The following EIF3A variants were observed in gnomAD, a reference collection of about 807,000 sequenced individuals.
EIF3A encodes the protein eukaryotic translation initiation factor 3 subunit A.
EIF3A carries 21 observed loss-of-function variants against 186.6 expected under a neutral mutation model. The observed-to-expected ratio is 0.11, with a 90% CI of 0.08 to 0.16. The LOEUF (loss-of-function observed/expected upper bound fraction) is 0.16, where lower values mean the gene tolerates loss of function less well. Among genes scored for constraint, EIF3A ranks in the 10% least tolerant of loss-of-function variants. EIF3A has a pLI of 1.00. For missense variants in EIF3A, 1,306 were observed against 1,796.3 expected (o/e 0.73, Z 4.93); for synonymous variants, 563 against 584.3 (o/e 0.96, Z 0.52).
In EIF3A at chr10:119,080,766, CCACGCGCCTCGCCAGCA is replaced by C; in HGVS notation, c.-107_-91del. 1.3e-6 allele frequency: 2 copies of C among 1,496,860 alleles called. No individual in the cohort carries two copies. The highest frequency in any genetic ancestry group is 2.5e-5 in the South Asian group (2 of 79,096). 92.7% of individuals were successfully genotyped at this position (1,496,860 alleles called of 1,614,324 possible). On this transcript the variant is annotated 5_prime_UTR_variant, in exon 1 of 22. Transcript: ENST00000369144. ...GACGAAGGGGAACCAGCGTAAGGTC[CCACGCGCCTCGCCAGCA>C]GTCGCCCGCGCCCAGCCGGCCAGAG...
intron 15 of EIF3A, 106 bp downstream of exon 15, chr10:119,051,093 A>T: frequency 2.1e-6 from 2 of 940,962 alleles, no homozygotes; most frequent in Non-Finnish European, 3.1e-6. Context: ...AATGACCGTT[A>T]CACATAGTAA....
intron 20 of EIF3A, 177 bp downstream of exon 20, chr10:119,038,061 C>T (rs1434757100): frequency 1.0e-5 from 6 of 582,290 alleles, no homozygotes; most frequent in South Asian, 1.9e-5. Flanking sequence ...GGATTACAGG[C>T]ATGCGCCACC....
chr10:119,080,702 G>C lies in EIF3A; in HGVS notation c.-26C>G. On this transcript the variant is annotated 5_prime_UTR_variant, in exon 1 of 22. Coordinates refer to ENST00000369144, the MANE Select transcript of EIF3A (RefSeq NM_003750.4). The stretch of plus-strand genomic sequence containing the variant: ...CTTGGCGGCAGGCTCAGCTCACCCG[G>C]CGTCAGCGAACTCTCTAGTGGCCCG... 1.3e-6 allele frequency: 2 copies of C among 1,581,818 alleles called. No homozygotes were observed. Among genetic ancestry groups the C allele is most frequent in the Non-Finnish European group, 1.7e-6 (2 of 1,165,316 alleles).
At chr10:119,036,971 CTG>C (rs1196177033) in intron 21 of EIF3A, 146 bp downstream of exon 21, 2 of 660,230 alleles carry the variant, frequency 3.0e-6, no homozygotes, top group Admixed American at 2.4e-5. Flanking sequence ...CATTGAGTAA[CTG>C]TATGAAAATC....
intron 17 of EIF3A, among the ~76,000 whole-genome samples, chr10:119,048,393 G>A (rs1261233617): frequency 6.6e-6 from 1 of 152,168 alleles, no homozygotes; most frequent in African/African-American, 2.4e-5. Context: ...GCAGATACCA[G>A]TAACACCAAT....
chr10:119,080,331 T>A (rs1844243683), intron 1 of EIF3A: 1 of 985,278 alleles, frequency 1.0e-6, no homozygotes, highest in Non-Finnish European at 1.2e-6. Context: ...AGGAGGGAGC[T>A]CCAGTCCGGG....
Position 119,042,121 on chromosome 10 carries a change from T to G in EIF3A, c.3399A>C (p.Ala1133=), listed in dbSNP as rs372980354. Residue 1133 remains alanine (A), a synonymous_variant, in exon 19 of 22, where the codon GCA becomes GCC. Transcript: ENST00000369144. The surrounding 1 kb of genome is among the most constrained non-coding windows in gnomAD (Gnocchi z 7.8). ...ADDDRIPRRG[A]EDDRGPWRNM... ...TTCTCCAAGGGCCCCTGTCATCCTCTGCACCACGCCTGGGAATTCTGTCAT... is the reference window on the plus strand; with the variant it reads ...TTCTCCAAGGGCCCCTGTCATCCTCGGCACCACGCCTGGGAATTCTGTCAT... The G allele has an allele frequency of 1.9e-6, 3 of 1,614,034 alleles. No individual in the cohort carries two copies. Among genetic ancestry groups the G allele is most frequent in the Admixed American group, 1.7e-5 (1 of 59,988 alleles).
At chr10:119,038,553 G>A (rs1263228392) in intron 19 of EIF3A, 114 bp from the exon 20 acceptor site, 3 of 836,000 alleles carry the variant, frequency 3.6e-6, no homozygotes, top group East Asian at 4.9e-5. Flanking sequence ...GCTAATTTAA[G>A]ACACTGATTA....
intron 14 of EIF3A, among the ~76,000 whole-genome samples, chr10:119,054,016 G>A (rs1017890182): frequency 5.3e-5 from 8 of 152,100 alleles, no homozygotes; most frequent in Non-Finnish European, 7.4e-5. Flanking sequence ...TGCCTCCCAG[G>A]TTCATGCAAT....
rs183376082 is a variant in EIF3A, at chr10:119,042,876, G to A, written c.2748-104C>T. The A allele has an allele frequency of 5.9e-4, 712 of 1,206,658 alleles. 2 individuals carry two copies. The African/African-American group carries it at 9.1e-3, about 15-fold the overall frequency. 74.7% of individuals were successfully genotyped at this position (1,206,658 alleles called of 1,614,324 possible). On this transcript the variant is annotated intron_variant, in intron 18 of 21. Coordinates refer to ENST00000369144, the MANE Select transcript of EIF3A (RefSeq NM_003750.4). The surrounding 1 kb of genome is among the most constrained non-coding windows in gnomAD (Gnocchi z 7.8). ...CTTTTTAAAAACTTCAGTATGGGCC[G>A]GAGCAGTGGCTCGCACCTTTAATCC...
intron 4 of EIF3A, 47 bp from the exon 5 acceptor site, chr10:119,071,132 T>A (rs1385606135): frequency 7.5e-7 from 1 of 1,329,450 alleles, no homozygotes; most frequent in Non-Finnish European, 1.1e-6. Flanking sequence ...CACTATCTAC[T>A]TAAATATTTG....
At position 119,036,096 on chromosome 10, in the gene EIF3A, A is replaced by G. The variant is rs1472897452; in HGVS notation, c.4092T>C (p.Ser1364=). 7 of 1,613,928 alleles carry G rather than the reference A, an allele frequency of 4.3e-6. No individual in the cohort carries two copies. The African/African-American group carries it at 6.7e-5, about 15-fold the overall frequency. ...ASWRAEKDRE[S]LRRTKNETDE... ...CAGTCTCATTTTTAGTACGACGGAG[A>G]GATTCCCTATCTTTCTCAGCTCTCC... is the stretch of plus-strand genomic sequence containing the variant. The change falls in exon 22 of 22, where the codon TCT becomes TCC. Residue 1364 remains serine, a synonymous_variant. Transcript: ENST00000369144.
chr10:119,049,009 C>T (rs561834900), intron 17 of EIF3A, among the ~76,000 whole-genome samples: 2 of 152,328 alleles, frequency 1.3e-5, no homozygotes, highest in South Asian at 4.1e-4. Flanking sequence ...AGTCTCTCTT[C>T]TGTAGCAAAC....
Position 119,038,573 on chromosome 10 carries a change from T to G in EIF3A, c.3527-134A>C. 3 of 719,020 alleles carry G rather than the reference T, an allele frequency of 4.2e-6. No homozygotes were observed. In the South Asian group the frequency reaches 5.5e-5, roughly 13 times the overall value. The allele number at this position is 719,020 out of a possible 1,614,324, so 44.5% of individuals were successfully genotyped here. A position where few individuals can be genotyped will look rare whatever the true frequency, so the allele number is the denominator to read the frequency against. On this transcript the variant is annotated intron_variant, in intron 19 of 21. Coordinates refer to ENST00000369144, the MANE Select transcript of EIF3A (RefSeq NM_003750.4). The stretch of plus-strand genomic sequence containing the variant: ...TTTAAGACACTGATTAAAAAAATAC[T>G]AAAGCTGTGTACATCACTGCACAGA...
In EIF3A at chr10:119,037,239, C is replaced by A. The variant is rs371292579; in HGVS notation, c.3799G>T (p.Asp1267Tyr). The A allele has an allele frequency of 1.9e-6, 3 of 1,614,094 alleles. No individual in the cohort carries two copies. The highest frequency in any genetic ancestry group is 1.3e-5 in the African/African-American group (1 of 75,016). The change falls in exon 21 of 22, where the codon GAT becomes TAT. Residue 1267 changes from aspartate (D) to tyrosine (Y), a missense_variant. Coordinates refer to ENST00000369144, the MANE Select transcript of EIF3A (RefSeq NM_003750.4). The part of the protein sequence containing the change: ...SSWRDSSRRD[D>Y]RDRDDRRRER... ...CGGCGACGGTCATCCCTATCCCTAT[C>A]GTCCCGGCGACTTGAGTCTCTCCAG...
intron 17 of EIF3A, among the ~76,000 whole-genome samples, chr10:119,044,488 G>C (rs1295048234): frequency 6.6e-6 from 1 of 152,210 alleles, no homozygotes; most frequent in Non-Finnish European, 1.5e-5. Context: ...ACGAAGCAAA[G>C]AAAGGTGGAG....
chr10:119,061,825 G>A (rs111695581), intron 7 of EIF3A, among the ~76,000 whole-genome samples: 2,457 of 152,206 alleles, frequency 0.016, 68 homozygotes, highest in African/African-American at 0.056. Context: ...CACAAACATA[G>A]CGGTGAGAAA....
intron 6 of EIF3A, among the ~76,000 whole-genome samples, chr10:119,067,983 G>C (rs1186904750): frequency 4.6e-5 from 7 of 152,126 alleles, no homozygotes; most frequent in African/African-American, 1.7e-4. Flanking sequence ...GCTGATTTTT[G>C]TATTTTTAGT....
intron 19 of EIF3A, among the ~76,000 whole-genome samples, chr10:119,039,185 T>C (rs966348694): frequency 1.3e-5 from 2 of 152,212 alleles, no homozygotes; most frequent in African/African-American, 4.8e-5. Flanking sequence ...TTTCCTTTTA[T>C]ATTCCTGTCC....
Sources: gnomAD v4.1 joint callset for allele counts (sites outside exome capture counted in the v4.1 genomes callset) on GRCh38, gnomAD v4.1.1 for gene constraint, Gnocchi (gnomAD v3.1) non-coding constraint, MANE v1.5 for transcripts, NCBI Gene and HGNC (gene_info 2026-07-23, HGNC 2026-07-21) for gene names.